The following VDR variants were observed in gnomAD, a reference collection of about 807,000 sequenced individuals.
VDR encodes the protein vitamin D3 receptor.
In VDR, 19 loss-of-function variants were observed where a neutral mutation model predicts 39.7. That is an observed-to-expected ratio of 0.48 (90% CI 0.33 to 0.70). VDR has a LOEUF of 0.70. Among genes scored for constraint, VDR ranks in the 30% least tolerant of loss-of-function variants. The pLI is 0.02. For missense variants in VDR, 442 were observed against 570.5 expected (o/e 0.77, Z 2.29); for synonymous variants, 242 against 215.8 (o/e 1.12, Z -1.07).
intron 3 of VDR, among the ~76,000 whole-genome samples, chr12:47,870,792 G>C (rs1030496561): frequency 2.0e-5 from 3 of 152,212 alleles, no homozygotes; most frequent in African/African-American, 4.8e-5. Flanking sequence ...ACAGGAACTA[G>C]CGAGAGCTCC....
At chr12:47,886,219 G>C (rs1318019741) in intron 1 of VDR, among the ~76,000 whole-genome samples, 1 of 152,202 alleles carries the variant, frequency 6.6e-6, no homozygotes, top group Non-Finnish European at 1.5e-5. Context: ...AGATATGCCT[G>C]TGTGTCCGCC....
At chr12:47,869,650 T>C (rs1430324441) in intron 3 of VDR, among the ~76,000 whole-genome samples, 1 of 151,850 alleles carries the variant, frequency 6.6e-6, no homozygotes, top group Non-Finnish European at 1.5e-5. Context: ...AGCCCAGCAC[T>C]TTGGGAGGCT....
chr12:47,844,684 C>A lies in VDR; in HGVS notation c.*62G>T. 6.2e-7 allele frequency: 1 copy of A among 1,609,128 alleles called. No homozygotes were observed. Among genetic ancestry groups the A allele is most frequent in the Admixed American group, 1.7e-5 (1 of 59,936 alleles). ...AGGGCTGCTGAGTAGCCGCCAGCCC[C>A]GGGCCTGGCACGTGGCCCTGGAGGA... On this transcript the variant is annotated 3_prime_UTR_variant, in exon 10 of 10. Coordinates refer to ENST00000549336, the MANE Select transcript of VDR (RefSeq NM_000376.3).
chr12:47,896,516 C>A (rs1235534656), intron 1 of VDR: 1 of 152,234 alleles, frequency 6.6e-6, no homozygotes, highest in Non-Finnish European at 1.5e-5. Context: ...GCACAGAGCT[C>A]TCCCCACAAG....
intron 1 of VDR, among the ~76,000 whole-genome samples, chr12:47,902,183 G>T: frequency 6.6e-6 from 1 of 152,294 alleles, no homozygotes; most frequent in East Asian, 1.9e-4. Flanking sequence ...GTATAACCAT[G>T]CATGGCATCC....
At chr12:47,865,714 C>CTT (rs34900299) in intron 3 of VDR, among the ~76,000 whole-genome samples, 30 of 106,344 alleles carry the variant, frequency 2.8e-4, no homozygotes, top group African/African-American at 5.0e-4. Flanking sequence ...CACTCCGACT[C>CTT]TTTTTTTTTT....
rs1427503663 is a variant in VDR, at chr12:47,843,340, T to A, written c.*1406A>T. On this transcript the variant is annotated 3_prime_UTR_variant, in exon 10 of 10. Coordinates refer to ENST00000549336, the MANE Select transcript of VDR (RefSeq NM_000376.3). The stretch of plus-strand genomic sequence containing the variant: ...CACTGACTTTAACATTCCTGGTGAC[T>A]CAGGGAATGCGGCCGCATTCCCCAA... The A allele has an allele frequency of 6.6e-6, 1 of 152,192 alleles. No homozygotes were observed. Among genetic ancestry groups the A allele is most frequent in the Non-Finnish European group, 1.5e-5 (1 of 68,022 alleles). The allele number at this position is 152,192 out of a possible 1,614,324, so 9.4% of individuals were successfully genotyped here.
chr12:47,868,189 G>A (rs1294536969), intron 3 of VDR, among the ~76,000 whole-genome samples: 1 of 152,246 alleles, frequency 6.6e-6, no homozygotes, highest in Non-Finnish European at 1.5e-5. Flanking sequence ...AAAGTGCTCA[G>A]TGAAGTTGAT....
intron 3 of VDR, among the ~76,000 whole-genome samples, chr12:47,871,076 CAGACTTTTT>C (rs1174472336): frequency 6.6e-6 from 1 of 152,070 alleles, no homozygotes; most frequent in Non-Finnish European, 1.5e-5. Flanking sequence ...GAAAAGAGCA[CAGACTTTTT>C]TTTTTGGAGG....
intron 3 of VDR, among the ~76,000 whole-genome samples, chr12:47,868,840 G>A (rs903800935): frequency 9.2e-5 from 14 of 151,836 alleles, no homozygotes; most frequent in Non-Finnish European, 2.9e-5. Flanking sequence ...CCTCCCACTG[G>A]CTGTCTTGTC....
chr12:47,859,763 G>A (rs947411527), intron 4 of VDR, among the ~76,000 whole-genome samples: 3 of 152,074 alleles, frequency 2.0e-5, no homozygotes, highest in African/African-American at 7.2e-5. Flanking sequence ...GAAGTTCAAG[G>A]TCTCTTTCTC....
intron 4 of VDR, among the ~76,000 whole-genome samples, chr12:47,859,899 T>C (rs1247948501): frequency 9.9e-5 from 4 of 40,456 alleles, no homozygotes; most frequent in African/African-American, 4.8e-4. Context: ...CCTTCCTTCC[T>C]TCCTTCCTTC....
Position 47,842,254 on chromosome 12 carries a change from G to T in VDR, c.*2492C>A. ...GGGTCTGATTCACATTGAGGCAGAG[G>T]TGAGTCTCCTTCCTTCTCCTTCTGA... On this transcript the variant is annotated 3_prime_UTR_variant, in exon 10 of 10. Transcript: ENST00000549336. 6.6e-6 allele frequency: 1 copy of T among 152,478 alleles called. No homozygotes were observed. Among genetic ancestry groups the T allele is most frequent in the East Asian group, 1.9e-4 (1 of 5,340 alleles). The allele number at this position is 152,478 out of a possible 1,614,324, so 9.4% of individuals were successfully genotyped here.
In VDR at chr12:47,842,960, TAAC is replaced by T. The variant is rs1945201313; in HGVS notation, c.*1783_*1785del. On this transcript the variant is annotated 3_prime_UTR_variant, in exon 10 of 10. Transcript: ENST00000549336. ...GGTCTCTCCCTAGACCCTTGTAAAATAACAACAGCAATAATAATTAATGTACAG... is the reference window on the plus strand; with the variant it reads ...GGTCTCTCCCTAGACCCTTGTAAAATAACAGCAATAATAATTAATGTACAG... 1 of 152,056 alleles carries T rather than the reference TAAC, an allele frequency of 6.6e-6. No individual in the cohort carries two copies. Among genetic ancestry groups the T allele is most frequent in the African/African-American group, 2.4e-5 (1 of 41,384 alleles). 9.4% of individuals were successfully genotyped at this position (152,056 alleles called of 1,614,324 possible). A position where few individuals can be genotyped will look rare whatever the true frequency, so the allele number is the denominator to read the frequency against.
At chr12:47,885,275 A>C (rs1398991394) in intron 1 of VDR, among the ~76,000 whole-genome samples, 2 of 151,980 alleles carry the variant, frequency 1.3e-5, no homozygotes, top group East Asian at 3.9e-4. Flanking sequence ...CACATCAAAA[A>C]CCCTGCCTGA....
intron 3 of VDR, among the ~76,000 whole-genome samples, chr12:47,871,813 T>C (rs1440997651): frequency 4.6e-5 from 7 of 152,206 alleles, no homozygotes; most frequent in Admixed American, 1.3e-4. Flanking sequence ...ACTCTGTGAC[T>C]ATGAAAAAGA....
intron 1 of VDR, among the ~76,000 whole-genome samples, chr12:47,887,929 T>C (rs1324033972): frequency 6.6e-6 from 1 of 152,236 alleles, no homozygotes; most frequent in African/African-American, 2.4e-5. Context: ...TGCATCACCT[T>C]TGAGAACCTG....
rs113823732 is a variant in VDR, at chr12:47,865,081, G to A, written c.243C>T (p.Leu81=). ...DNRRHCQACR[L]KRCVDIGMMK... ...TCATGCCGATGTCCACACAGCGTTT[G>A]AGCCGGCAGGCCTGGCAGTGGCGTC... The change falls in exon 4 of 10, where the codon CTC becomes CTT. Residue 81 remains leucine, a synonymous_variant. Transcript: ENST00000549336. The A allele has an allele frequency of 1.9e-6, 3 of 1,613,926 alleles. No individual in the cohort carries two copies. In the African/African-American group the frequency reaches 4.0e-5, roughly 22 times the overall value.
At chr12:47,899,221 A>G (rs545263330) in intron 1 of VDR, among the ~76,000 whole-genome samples, 1 of 152,320 alleles carries the variant, frequency 6.6e-6, no homozygotes, top group Admixed American at 6.5e-5. Flanking sequence ...TCACAAGGAC[A>G]GGCTTCTGGG....
Sources: allele counts gnomAD v4.1 joint callset (sites outside exome capture counted in the v4.1 genomes callset), GRCh38; gene constraint gnomAD v4.1.1; transcripts MANE v1.5; gene names NCBI Gene and HGNC (gene_info 2026-07-23, HGNC 2026-07-21).